The following PCCB variants were observed in gnomAD, a reference collection of about 807,000 sequenced individuals.
The protein encoded by PCCB is propionyl-CoA carboxylase subunit beta.
PCCB carries 43 observed loss-of-function variants against 60.7 expected under a neutral mutation model. The ratio of observed to expected loss-of-function variants is 0.71; its 90% confidence interval spans 0.55 to 0.91. The LOEUF is 0.91. PCCB is among the 40% of genes least tolerant of loss of function. PCCB has a pLI of 0.00. For missense variants in PCCB, 766 were observed against 702.8 expected, an observed-to-expected ratio of 1.09 and a Z score of -1.02; for synonymous variants, 276 against 255.9, an observed-to-expected ratio of 1.08 and a Z score of -0.75.
chr3:136,290,671 G>GTTTTGTTTTTT (rs1933637324), intron 6 of PCCB, among the ~76,000 whole-genome samples: 1 of 60,050 alleles, frequency 1.7e-5, no homozygotes, highest in African/African-American at 7.5e-5. Context: ...TCTCTGTGTA[G>GTTTTGTTTTTT]TTTTTTTTTT....
intron 6 of PCCB, among the ~76,000 whole-genome samples, chr3:136,285,233 A>C (rs528646970): frequency 1.8e-4 from 27 of 152,140 alleles, no homozygotes; most frequent in Admixed American, 9.8e-4. Flanking sequence ...GCCTGTTACG[A>C]AGGGAGGTGT....
intron 7 of PCCB, among the ~76,000 whole-genome samples, 159 bp downstream of exon 7, chr3:136,294,023 T>C (rs1213559920): frequency 6.6e-6 from 1 of 152,246 alleles, no homozygotes; most frequent in Non-Finnish European, 1.5e-5. Context: ...GTGTATTGTT[T>C]ACAGATATAG....
intron 8 of PCCB, among the ~76,000 whole-genome samples, chr3:136,300,818 CAGA>C (rs1934242679): frequency 1.3e-5 from 2 of 152,084 alleles, no homozygotes; most frequent in African/African-American, 4.8e-5. Context: ...AAAAGAGAAC[CAGA>C]AGATCTTTTG....
chr3:136,279,384 G>A (rs1942413891), intron 5 of PCCB, among the ~76,000 whole-genome samples: 1 of 152,146 alleles, frequency 6.6e-6, no homozygotes, highest in Admixed American at 6.5e-5. Context: ...TGGCCTTGGG[G>A]TGGTGATATT....
chr3:136,268,122 G>GTA (rs1410337209), intron 5 of PCCB, among the ~76,000 whole-genome samples: 320 of 74,802 alleles, frequency 4.3e-3, no homozygotes, highest in East Asian at 0.01. Flanking sequence ...ATATATATAT[G>GTA]TATATATATA....
At chr3:136,298,648 C>T (rs1405256953) in intron 8 of PCCB, among the ~76,000 whole-genome samples, 1 of 152,146 alleles carries the variant, frequency 6.6e-6, no homozygotes, top group Non-Finnish European at 1.5e-5. Flanking sequence ...TGTTGCTGGC[C>T]ATCTGGTGAA....
At chr3:136,260,188 C>T (rs1336799589) in intron 3 of PCCB, 2 of 468,860 alleles carry the variant, frequency 4.3e-6, no homozygotes, top group South Asian at 4.0e-5. Context: ...ATCCTCCTGC[C>T]TCAGCCTCCC....
At chr3:136,326,200 T>C in intron 10 of PCCB, 1 of 603,712 alleles carries the variant, frequency 1.7e-6, no homozygotes. Flanking sequence ...CTGTATTCTT[T>C]TCTGATGATG....
At chr3:136,316,241 G>A (rs549746523) in intron 9 of PCCB, among the ~76,000 whole-genome samples, 37 of 151,200 alleles carry the variant, frequency 2.4e-4, no homozygotes, top group South Asian at 6.2e-4. Flanking sequence ...AAAAAAAAAA[G>A]CAGAATAGTT....
intron 1 of PCCB, among the ~76,000 whole-genome samples, chr3:136,253,082 G>GTTTTTTTTT (rs59099393): frequency 1.4e-5 from 1 of 71,490 alleles, no homozygotes. Context: ...AGCAATGGAG[G>GTTTTTTTTT]TTTTTTTTTT....
chr3:136,318,595 TTC>T (rs771329240), intron 10 of PCCB, among the ~76,000 whole-genome samples: 3 of 152,202 alleles, frequency 2.0e-5, no homozygotes, highest in Non-Finnish European at 2.9e-5. Context: ...TAAATCTACT[TTC>T]TCTCTCTATG....
In PCCB at chr3:136,266,775, A is replaced by G. The variant is rs1361627545; in HGVS notation, c.543+4710A>G. Among the ~76,000 whole-genome samples, 4 of 152,244 alleles carry G rather than the reference A, an allele frequency of 2.6e-5. No homozygotes were observed. The East Asian group carries it at 7.7e-4, about 29-fold the overall frequency. On this transcript the variant is annotated intron_variant, in intron 5 of 14. Transcript: ENST00000251654. ...CGTAATTGGGTTTTTGAGTTGTAAG[A>G]GTTCTTCATATATTCTGGATACAAG...
intron 10 of PCCB, among the ~76,000 whole-genome samples, chr3:136,325,632 C>G (rs924983081): frequency 2.0e-5 from 3 of 152,080 alleles, no homozygotes; most frequent in Non-Finnish European, 4.4e-5. Flanking sequence ...GCTGGGATTA[C>G]AGGTGTGAGC....
intron 10 of PCCB, among the ~76,000 whole-genome samples, chr3:136,321,249 A>C (rs114545237): frequency 5.1e-4 from 78 of 152,362 alleles, no homozygotes; most frequent in African/African-American, 1.8e-3. Flanking sequence ...TGGAAAGTAC[A>C]TAGAATTCCT....
Position 136,305,888 on chromosome 3 carries a change from A to C in PCCB, c.966+4777A>C, listed in dbSNP as rs143551712. Among the ~76,000 whole-genome samples the C allele has an allele frequency of 2.6e-3, 318 of 122,008 alleles. 142 individuals carry two copies. In the East Asian group the frequency reaches 0.18, roughly 68 times the overall value. 80.0% of individuals were successfully genotyped at this position (122,008 alleles called of 152,430 possible). A position where few individuals can be genotyped will look rare whatever the true frequency, so the allele number is the denominator to read the frequency against. The stretch of plus-strand genomic sequence containing the variant: ...TTACTTCTGGGGAAGAAGAGTACAA[A>C]GGAAAGAGAGAGGTACCTTTGGAAA... On this transcript the variant is annotated intron_variant, in intron 9 of 14. Coordinates refer to ENST00000251654, the MANE Select transcript of PCCB (RefSeq NM_000532.5).
chr3:136,296,138 A>G (rs1203028770), intron 7 of PCCB, among the ~76,000 whole-genome samples: 4 of 152,226 alleles, frequency 2.6e-5, no homozygotes, highest in Non-Finnish European at 5.9e-5. Context: ...ACACCTATTT[A>G]TAGTGTACAA....
intron 14 of PCCB, 147 bp from the exon 15 acceptor site, chr3:136,329,758 G>A (rs993880336): frequency 3.7e-6 from 3 of 821,638 alleles, no homozygotes; most frequent in Non-Finnish European, 4.1e-6. Flanking sequence ...ATACAAGGGG[G>A]AATTCACAGG....
At chr3:136,252,221 A>G in intron 1 of PCCB, 1 of 453,166 alleles carries the variant, frequency 2.2e-6, no homozygotes, top group Non-Finnish European at 4.4e-6. Context: ...ATTTCCGTAG[A>G]TTTTCCCAGA....
intron 9 of PCCB, among the ~76,000 whole-genome samples, chr3:136,309,262 CAAAA>C (rs1202774808): frequency 4.3e-5 from 2 of 47,010 alleles, no homozygotes; most frequent in Non-Finnish European, 4.4e-5. Context: ...GACTCCATCT[CAAAA>C]AAAAAAAAAA....
Sources: allele counts gnomAD v4.1 joint callset (sites outside exome capture counted in the v4.1 genomes callset), GRCh38; gene constraint gnomAD v4.1.1; transcripts MANE v1.5; gene names NCBI Gene and HGNC (gene_info 2026-07-23, HGNC 2026-07-21).